ZYG11B: variants seen among roughly 807,000 people sequenced by gnomAD.
ZYG11B encodes protein zyg-11 homolog B.
A neutral mutation model predicts 82.4 loss-of-function variants in ZYG11B; 36 were observed. That is an observed-to-expected ratio of 0.44 (90% CI 0.33 to 0.58). ZYG11B has a LOEUF of 0.58. ZYG11B is among the 20% of genes least tolerant of loss of function. The pLI is 0.02. For missense variants in ZYG11B, 552 were observed against 895.6 expected (o/e 0.62, Z 4.90); for synonymous variants, 303 against 312.8 (o/e 0.97, Z 0.33).
chr1:52,797,684 T>G (rs1316176375), intron 8 of ZYG11B, among the ~76,000 whole-genome samples: 2 of 149,668 alleles, frequency 1.3e-5, no homozygotes, highest in South Asian at 2.1e-4. Flanking sequence ...AATTTTTTTG[T>G]ATTTTTAGTA....
rs531480997 is a variant in ZYG11B, at chr1:52,756,842, G to A, written c.196+219G>A. 2.5e-4 allele frequency among the ~76,000 whole-genome samples: 35 copies of A among 139,106 alleles called. No individual in the cohort carries two copies. The South Asian group carries it at 7.6e-3, about 30-fold the overall frequency. The allele number at this position is 139,106 out of a possible 152,430, so 91.3% of individuals were successfully genotyped here. ...TTTTTTTTTTTTTTTTTCCTTGACA[G>A]GGTCTCACTCTGTTACCCAGGCTGG... On this transcript the variant is annotated intron_variant, in intron 2 of 13. Transcript: ENST00000294353.
At chr1:52,763,372 G>GGAAATGCATTGCATTGC (rs1644653080) in intron 2 of ZYG11B, among the ~76,000 whole-genome samples, 1 of 152,154 alleles carries the variant, frequency 6.6e-6, no homozygotes, top group African/African-American at 2.4e-5. Context: ...TGCATCTGTA[G>GGAAATGCATTGCATTGC]ATTGCTTTAA....
At chr1:52,812,027 T>TAA (rs879417845) in intron 10 of ZYG11B, among the ~76,000 whole-genome samples, 1 of 146,638 alleles carries the variant, frequency 6.8e-6, no homozygotes, top group South Asian at 2.1e-4. Flanking sequence ...AGACTCCATC[T>TAA]AAAAAAAAAA....
At chr1:52,735,092 G>A (rs932522899) in intron 1 of ZYG11B, among the ~76,000 whole-genome samples, 3 of 149,584 alleles carry the variant, frequency 2.0e-5, no homozygotes, top group African/African-American at 4.9e-5. Context: ...GTGCAATGGC[G>A]CGATCTCGGC....
chr1:52,731,949 G>A (rs997694587), intron 1 of ZYG11B, among the ~76,000 whole-genome samples: 10 of 152,090 alleles, frequency 6.6e-5, no homozygotes, highest in African/African-American at 2.4e-4. Flanking sequence ...GACTACAGGC[G>A]TGCAGTACCA....
At position 52,822,676 on chromosome 1, in the gene ZYG11B, T is replaced by A. The variant is rs965420890; in HGVS notation, c.*1047T>A. ...TAATGTGTTCATGTTAGAGAAAGTG[T>A]CCCCATCTCACTGCCAAAAATGAAA... On this transcript the variant is annotated 3_prime_UTR_variant, in exon 14 of 14. Transcript: ENST00000294353. 10 of 152,294 alleles carry A rather than the reference T, an allele frequency of 6.6e-5. No homozygotes were observed. The highest frequency in any genetic ancestry group is 5.9e-4 in the Admixed American group (9 of 15,282). The allele number at this position is 152,294 out of a possible 1,614,324, so 9.4% of individuals were successfully genotyped here.
chr1:52,790,040 G>A lies in ZYG11B; in HGVS notation c.1307G>A (p.Arg436Gln), dbSNP rs1270363831. ...KNCLLSLCSD[R>Q]ILQDVPFNRF... Reference sequence around the variant, plus strand: ...TGCCTCCTTTCACTTTGCAGTGACCGGATCCTTCAAGATGTTCCATTTAAC... The same window carrying A: ...TGCCTCCTTTCACTTTGCAGTGACCAGATCCTTCAAGATGTTCCATTTAAC... The change falls in exon 6 of 14, where the codon CGG becomes CAG. Residue 436 changes from arginine (R) to glutamine (Q), a missense_variant. Around this residue, in one of 3 missense-constraint regions of ZYG11B, gnomAD observed 359 missense variants for 555.8 expected, o/e 0.65. Coordinates refer to ENST00000294353, the MANE Select transcript of ZYG11B (RefSeq NM_024646.3). 3.1e-6 allele frequency: 5 copies of A among 1,594,440 alleles called. No homozygotes were observed. Among genetic ancestry groups the A allele is most frequent in the Non-Finnish European group, 4.3e-6 (5 of 1,169,034 alleles).
intron 3 of ZYG11B, chr1:52,772,652 G>A (rs12563825): frequency 1.2e-6 from 1 of 837,506 alleles, no homozygotes. Flanking sequence ...GACCCATGAT[G>A]GCGGCGATCA....
At chr1:52,787,469 G>GGCTT (rs1281615232) in intron 5 of ZYG11B, among the ~76,000 whole-genome samples, 3 of 152,156 alleles carry the variant, frequency 2.0e-5, no homozygotes, top group Non-Finnish European at 4.4e-5. Context: ...GGCCAAATGG[G>GGCTT]GCTTGCTAAT....
At position 52,726,499 on chromosome 1, in the gene ZYG11B, C is replaced by A; in HGVS notation, c.-155C>A. Reference sequence around the variant, plus strand: ...GCTGCGGCTGCGGCTGCGGCTGCGGCTGCTACTGCTACGCTCCTAGCTTGA... The same window carrying A: ...GCTGCGGCTGCGGCTGCGGCTGCGGATGCTACTGCTACGCTCCTAGCTTGA... On this transcript the variant is annotated 5_prime_UTR_variant, in exon 1 of 14. In the 5' UTR this introduces an upstream ATG that the reference lacks. Coordinates refer to ENST00000294353, the MANE Select transcript of ZYG11B (RefSeq NM_024646.3). 1 of 622,894 alleles carries A rather than the reference C, an allele frequency of 1.6e-6. No homozygotes were observed. The highest frequency in any genetic ancestry group is 2.3e-6 in the Non-Finnish European group (1 of 437,418). The allele number at this position is 622,894 out of a possible 1,614,324, so 38.6% of individuals were successfully genotyped here.
intron 2 of ZYG11B, among the ~76,000 whole-genome samples, chr1:52,762,813 C>T (rs1644643758): frequency 1.3e-5 from 2 of 151,996 alleles, no homozygotes; most frequent in Admixed American, 1.3e-4. Context: ...AACTCCTGAC[C>T]TCAGGTGATC....
At chr1:52,816,051 T>G (rs1295059834) in intron 12 of ZYG11B, among the ~76,000 whole-genome samples, 2 of 152,236 alleles carry the variant, frequency 1.3e-5, no homozygotes, top group South Asian at 2.1e-4. Context: ...ATTTAATTTT[T>G]ATTCAACTTA....
At chr1:52,763,204 T>C (rs1187307449) in intron 2 of ZYG11B, among the ~76,000 whole-genome samples, 1 of 152,206 alleles carries the variant, frequency 6.6e-6, no homozygotes, top group African/African-American at 2.4e-5. Context: ...TATAGCTTTA[T>C]AGTATATTTT....
At chr1:52,796,226 G>A in intron 6 of ZYG11B, 66 bp from the exon 7 acceptor site, 1 of 1,222,538 alleles carries the variant, frequency 8.2e-7, no homozygotes, top group Non-Finnish European at 1.2e-6. Flanking sequence ...TCAGTTCCTA[G>A]CTGGAACTCT....
intron 12 of ZYG11B, among the ~76,000 whole-genome samples, chr1:52,814,704 TACACAC>T (rs10644507): frequency 6.5e-4 from 60 of 92,036 alleles, no homozygotes; most frequent in African/African-American, 1.3e-3. Flanking sequence ...CAAATGTAAA[TACACAC>T]ACACACACAC....
At chr1:52,734,413 TAGTC>T (rs1360379488) in intron 1 of ZYG11B, among the ~76,000 whole-genome samples, 1 of 148,892 alleles carries the variant, frequency 6.7e-6, no homozygotes, top group Non-Finnish European at 1.5e-5. Context: ...GCGGTAGAAA[TAGTC>T]ATTATTAACA....
intron 1 of ZYG11B, among the ~76,000 whole-genome samples, chr1:52,733,063 A>C (rs1487747557): frequency 6.6e-6 from 1 of 152,180 alleles, no homozygotes; most frequent in Non-Finnish European, 1.5e-5. Context: ...CAAAGACAGA[A>C]TTATTTCCTA....
intron 2 of ZYG11B, among the ~76,000 whole-genome samples, chr1:52,767,768 A>C (rs900161960): frequency 1.3e-5 from 2 of 152,112 alleles, no homozygotes; most frequent in African/African-American, 4.8e-5. Context: ...GTTGGCTTCT[A>C]CTGACACCAT....
At chr1:52,781,424 G>A (rs536221713) in intron 4 of ZYG11B, among the ~76,000 whole-genome samples, 1 of 152,212 alleles carries the variant, frequency 6.6e-6, no homozygotes, top group African/African-American at 2.4e-5. Flanking sequence ...GCTCAAGCCA[G>A]GGAGGCAGAG....
Sources: gnomAD v4.1 joint callset for allele counts (sites outside exome capture counted in the v4.1 genomes callset) on GRCh38, gnomAD v4.1.1 for gene constraint, gnomAD v4.1.1 regional missense constraint, MANE v1.5 for transcripts, NCBI Gene and HGNC (gene_info 2026-07-23, HGNC 2026-07-21) for gene names.